Variants in ESR1 observed in about 807,000 individuals in gnomAD.
ESR1 encodes estrogen receptor 1, also known as estrogen receptor.
Under a neutral mutation model 52.7 loss-of-function variants are expected in ESR1, and 12 were observed. That is an observed-to-expected ratio of 0.23 (90% CI 0.15 to 0.37). ESR1 has a LOEUF of 0.37. Among genes scored for constraint, ESR1 ranks in the 10% least tolerant of loss-of-function variants. The pLI, the probability that ESR1 is intolerant of heterozygous loss-of-function variation, is 1.00. For missense variants in ESR1, 584 were observed against 779.7 expected, an observed-to-expected ratio of 0.75 and a Z score of 2.99; for synonymous variants, 305 against 316.8, an observed-to-expected ratio of 0.96 and a Z score of 0.39.
intron 1 of ESR1, among the ~76,000 whole-genome samples, chr6:151,671,165 GGGGT>G (rs1778043282): frequency 6.6e-6 from 1 of 152,096 alleles, no homozygotes; most frequent in East Asian, 1.9e-4. Flanking sequence ...AGAAAGTGAA[GGGGT>G]GAACTTCTGG....
At chr6:151,989,650 A>G (rs1168400996) in intron 4 of ESR1, among the ~76,000 whole-genome samples, 2 of 152,220 alleles carry the variant, frequency 1.3e-5, no homozygotes, top group Middle Eastern at 3.4e-3. Context: ...GTTACCTTCC[A>G]TCTATAATCA....
intron 1 of ESR1, among the ~76,000 whole-genome samples, chr6:151,835,991 T>C (rs772645337): frequency 3.3e-5 from 5 of 152,198 alleles, no homozygotes; most frequent in Non-Finnish European, 5.9e-5. Context: ...GAGAACGTTG[T>C]ACTTTATGAC....
intron 1 of ESR1, among the ~76,000 whole-genome samples, chr6:151,668,157 G>A (rs1777894970): frequency 1.3e-5 from 2 of 152,174 alleles, no homozygotes; most frequent in South Asian, 4.1e-4. Flanking sequence ...CAAGATCAAG[G>A]CACCAGCAGA....
In ESR1 at chr6:151,807,757, C is replaced by A; in HGVS notation, c.-156C>A. On this transcript the variant is annotated 5_prime_UTR_variant, in exon 1 of 8. Transcript: ENST00000206249. ...CCCGGCTTCACCGGACCCGCAGGCT[C>A]CCGGGGCAGGGCCGGGGCCAGAGCT... is the stretch of plus-strand genomic sequence containing the variant. The A allele has an allele frequency of 2.6e-6, 2 of 770,736 alleles. No homozygotes were observed. Among genetic ancestry groups the A allele is most frequent in the Non-Finnish European group, 4.4e-6 (2 of 457,444 alleles). 47.7% of individuals were successfully genotyped at this position (770,736 alleles called of 1,614,324 possible). A position where few individuals can be genotyped will look rare whatever the true frequency, so the allele number is the denominator to read the frequency against.
chr6:151,844,783 C>A (rs1242661253), intron 2 of ESR1, among the ~76,000 whole-genome samples: 4 of 151,328 alleles, frequency 2.6e-5, no homozygotes, highest in African/African-American at 9.7e-5. Context: ...TACTCTATAC[C>A]TGATTAGATG....
At chr6:152,083,672 T>C (rs1376658358) in intron 6 of ESR1, among the ~76,000 whole-genome samples, 3 of 152,186 alleles carry the variant, frequency 2.0e-5, no homozygotes, top group Non-Finnish European at 4.4e-5. Flanking sequence ...ACAGGCAACC[T>C]ACAGAGTGGG....
chr6:151,663,395 A>G (rs961881670), intron 1 of ESR1, among the ~76,000 whole-genome samples: 3 of 152,196 alleles, frequency 2.0e-5, no homozygotes, highest in African/African-American at 4.8e-5. Context: ...AAGCAGTCCT[A>G]TTGTCAGCAC....
intron 1 of ESR1, among the ~76,000 whole-genome samples, chr6:151,694,794 A>AC (rs1457381301): frequency 8.3e-5 from 10 of 120,078 alleles, no homozygotes; most frequent in Middle Eastern, 3.7e-3. Context: ...CTAAAAAAAG[A>AC]CAAAAAAAAA....
chr6:152,049,908 C>G (rs188409531), intron 5 of ESR1, among the ~76,000 whole-genome samples: 103 of 152,296 alleles, frequency 6.8e-4, no homozygotes, highest in African/African-American at 2.4e-3. Context: ...TGACTTTTCT[C>G]TCTCTCTCTG....
In ESR1 at chr6:151,673,603, C is replaced by A. The variant is rs563316453; in HGVS notation, n.73+16840C>A. On this transcript the variant is annotated intron_variant and non_coding_transcript_variant, in intron 1 of 2. Coordinates refer to the ESR1 transcript ENST00000473497. ...AATCTATAAAAAATTCCAAATTAAG[C>A]CAGGCATGGTGGCTCATGCCTGTAA... Among the ~76,000 whole-genome samples the A allele has an allele frequency of 3.9e-5, 6 of 152,200 alleles. No individual in the cohort carries two copies. In the South Asian group the frequency reaches 1.2e-3, roughly 32 times the overall value.
At chr6:152,011,837 G>A (rs1388515261) in intron 5 of ESR1, 43 bp downstream of exon 5, 4 of 1,603,280 alleles carry the variant, frequency 2.5e-6, no homozygotes, top group South Asian at 2.2e-5. Flanking sequence ...TGTTCTTTAC[G>A]ATCATAGTTC....
intron 1 of ESR1, among the ~76,000 whole-genome samples, chr6:151,841,027 C>T (rs2128230790): frequency 6.6e-6 from 1 of 152,280 alleles, no homozygotes. Flanking sequence ...TCTTCCTCTA[C>T]TTTCCTTACC....
intron 2 of ESR1, among the ~76,000 whole-genome samples, chr6:151,750,317 C>T (rs1031444752): frequency 3.3e-5 from 5 of 152,114 alleles, no homozygotes; most frequent in African/African-American, 7.2e-5. Flanking sequence ...CCCTGATAAT[C>T]GATGCTGTGT....
In ESR1 at chr6:151,751,417, C is replaced by T. The variant is rs116549363; in HGVS notation, c.-71+49412C>T. Reference sequence around the variant, plus strand: ...GTTCCCAGTGACTCCTTTCTGATAACCCAACTTATCATCATAGAACGCATG... The same window carrying T: ...GTTCCCAGTGACTCCTTTCTGATAATCCAACTTATCATCATAGAACGCATG... On this transcript the variant is annotated intron_variant, in intron 2 of 2. Coordinates refer to the ESR1 transcript ENST00000404742. 5.0e-3 allele frequency among the ~76,000 whole-genome samples: 760 copies of T among 152,234 alleles called. 8 individuals are homozygous for T. The highest frequency in any genetic ancestry group is 0.017 in the African/African-American group (722 of 41,534).
intron 1 of ESR1, among the ~76,000 whole-genome samples, chr6:151,670,831 C>T (rs1778030870): frequency 7.0e-6 from 1 of 143,010 alleles, no homozygotes; most frequent in Non-Finnish European, 1.5e-5. Flanking sequence ...TGCAGTGGCG[C>T]AATCTCGGCT....
intron 2 of ESR1, among the ~76,000 whole-genome samples, chr6:151,753,479 G>A (rs140314917): frequency 2.6e-5 from 4 of 152,130 alleles, no homozygotes; most frequent in Non-Finnish European, 5.9e-5. Context: ...CACCACTCCT[G>A]GCTAATTTTT....
chr6:151,884,960 A>G (rs1021846288), intron 3 of ESR1, among the ~76,000 whole-genome samples: 1 of 151,200 alleles, frequency 6.6e-6, no homozygotes, highest in Admixed American at 6.6e-5. Flanking sequence ...AGCTCTTATC[A>G]CCATTATTAT....
At position 151,755,617 on chromosome 6, in the gene ESR1, A is replaced by G. The variant is rs559057177; in HGVS notation, c.-70-52226A>G. On this transcript the variant is annotated intron_variant, in intron 2 of 2. Coordinates refer to the ESR1 transcript ENST00000404742. ...AAAATGGAAATCAGGTTACCTCATG[A>G]CTCTTTTCTTTCTTTTTCTTTTCTT... is the stretch of plus-strand genomic sequence containing the variant. 4.8e-5 allele frequency among the ~76,000 whole-genome samples: 7 copies of G among 146,128 alleles called. No individual in the cohort carries two copies. In the South Asian group the frequency reaches 1.5e-3, roughly 32 times the overall value.
At position 152,056,212 on chromosome 6, in the gene ESR1, GA is replaced by G. The variant is rs2047088469; in HGVS notation, c.1236-4778del. 2.0e-5 allele frequency among the ~76,000 whole-genome samples: 3 copies of G among 152,128 alleles called. No homozygotes were observed. The South Asian group carries it at 6.2e-4, about 32-fold the overall frequency. On this transcript the variant is annotated intron_variant, in intron 5 of 7. Transcript: ENST00000206249. Reference sequence around the variant, plus strand: ...CCTCTTGATCATATAAATATTTATGGAGTCTCAGCATTTTGAGCACATGCTG... The same window carrying G: ...CCTCTTGATCATATAAATATTTATGGGTCTCAGCATTTTGAGCACATGCTG...
Sources: gnomAD v4.1 joint callset for allele counts (sites outside exome capture counted in the v4.1 genomes callset) on GRCh38, gnomAD v4.1.1 for gene constraint, MANE v1.5 for transcripts, NCBI Gene and HGNC (gene_info 2026-07-23, HGNC 2026-07-21) for gene names.